AGAP1: variants seen among roughly 807,000 people sequenced by gnomAD.
AGAP1 encodes arf-GAP with GTPase, ANK repeat and PH domain-containing protein 1.
A neutral mutation model predicts 105.3 loss-of-function variants in AGAP1; 29 were observed. That is an observed-to-expected ratio of 0.28 (90% CI 0.21 to 0.38). The LOEUF (loss-of-function observed/expected upper bound fraction) is 0.38, where lower values mean the gene tolerates loss of function less well. Among genes scored for constraint, AGAP1 ranks in the 10% least tolerant of loss-of-function variants. The pLI, the probability that AGAP1 is intolerant of heterozygous loss-of-function variation, is 1.00. For missense variants in AGAP1, 998 were observed against 1,165.1 expected (o/e 0.86, Z 2.09); for synonymous variants, 509 against 485.9 (o/e 1.05, Z -0.63).
chr2:235,699,763 A>G (rs74695223), intron 1 of AGAP1, among the ~76,000 whole-genome samples: 1 of 152,248 alleles, frequency 6.6e-6, no homozygotes. Context: ...GAGAACCAGC[A>G]TTCGCAGTGG....
chr2:235,621,816 C>T lies in AGAP1; in HGVS notation c.164-87363C>T, dbSNP rs1484891389. Among the ~76,000 whole-genome samples, 1 of 152,178 alleles carries T rather than the reference C, an allele frequency of 6.6e-6. No individual in the cohort carries two copies. Among genetic ancestry groups the T allele is most frequent in the Admixed American group, 6.5e-5 (1 of 15,286 alleles). On this transcript the variant is annotated intron_variant, in intron 1 of 17. Coordinates refer to ENST00000304032, the MANE Select transcript of AGAP1 (RefSeq NM_001037131.3). The surrounding 1 kb of genome is among the most constrained non-coding windows in gnomAD (Gnocchi z 4.1). ...CAGGAGAGGGCACATGGCAGTAACCCCCTGGGAGCGGCTGCTGATGTTCTG... is the reference window on the plus strand; with the variant it reads ...CAGGAGAGGGCACATGGCAGTAACCTCCTGGGAGCGGCTGCTGATGTTCTG...
chr2:235,626,821 G>T (rs549202547), intron 1 of AGAP1, among the ~76,000 whole-genome samples: 25 of 152,306 alleles, frequency 1.6e-4, no homozygotes, highest in Non-Finnish European at 3.2e-4. Context: ...GTAGGGAGAG[G>T]TACAGACACA....
chr2:236,088,947 C>T (rs983909473), intron 16 of AGAP1, among the ~76,000 whole-genome samples: 3 of 152,104 alleles, frequency 2.0e-5, no homozygotes, highest in Admixed American at 1.3e-4. Context: ...TAAAGACACA[C>T]GGGGCTGAAA....
intron 3 of AGAP1, among the ~76,000 whole-genome samples, chr2:235,718,203 A>T (rs1217897121): frequency 2.6e-5 from 4 of 152,094 alleles, no homozygotes; most frequent in African/African-American, 4.8e-5. Context: ...TTTTGCCTTA[A>T]ATAAAATTAT....
At chr2:235,695,501 G>C (rs977198400) in intron 1 of AGAP1, among the ~76,000 whole-genome samples, 1 of 152,190 alleles carries the variant, frequency 6.6e-6, no homozygotes, top group African/African-American at 2.4e-5. Flanking sequence ...AACAGACAGC[G>C]GCTCAGGTTA....
chr2:235,682,369 G>A (rs1402892338), intron 1 of AGAP1, among the ~76,000 whole-genome samples: 2 of 151,732 alleles, frequency 1.3e-5, no homozygotes, highest in Non-Finnish European at 2.9e-5. Flanking sequence ...TTGAGATGGA[G>A]TCTCACTCTG....
intron 1 of AGAP1, among the ~76,000 whole-genome samples, chr2:235,590,886 A>G (rs1945316247): frequency 6.7e-6 from 1 of 149,866 alleles, no homozygotes; most frequent in Non-Finnish European, 1.5e-5. Context: ...ACGCCCGGCT[A>G]ATTTTTTTGT....
Position 235,751,105 on chromosome 2 carries a change from A to G in AGAP1, c.673+617A>G, listed in dbSNP as rs1372310821. On this transcript the variant is annotated intron_variant, in intron 6 of 17. Transcript: ENST00000304032. The surrounding 1 kb of genome is among the most constrained non-coding windows in gnomAD (Gnocchi z 5.3). ...TCCTAGGAGAGCATGAGGTTCTGCAAGAGGGTCACATACTTGTGGATGATC... is the reference window on the plus strand; with the variant it reads ...TCCTAGGAGAGCATGAGGTTCTGCAGGAGGGTCACATACTTGTGGATGATC... 6.6e-6 allele frequency among the ~76,000 whole-genome samples: 1 copy of G among 152,088 alleles called. No homozygotes were observed. The highest frequency in any genetic ancestry group is 6.5e-5 in the Admixed American group (1 of 15,288).
rs950494809 is a variant in AGAP1 at position 235,769,029 on chromosome 2, G to A, written c.673+18541G>A. The stretch of plus-strand genomic sequence containing the variant: ...AACTGTACTAAAGATCCCAGTACTC[G>A]AGTAATTCACCATAAATGAGTGAAA... On this transcript the variant is annotated intron_variant, in intron 6 of 17. Coordinates refer to ENST00000304032, the MANE Select transcript of AGAP1 (RefSeq NM_001037131.3). This position sits in a 1 kb window ranked among gnomAD's most constrained non-coding sequence, Gnocchi z 4.4. Among the ~76,000 whole-genome samples, 5 of 152,182 alleles carry A rather than the reference G, an allele frequency of 3.3e-5. No homozygotes were observed. Among genetic ancestry groups the A allele is most frequent in the Admixed American group, 6.5e-5 (1 of 15,284 alleles).
chr2:235,947,765 G>C (rs78634734), intron 12 of AGAP1, among the ~76,000 whole-genome samples: 1 of 152,212 alleles, frequency 6.6e-6, no homozygotes, highest in Admixed American at 6.5e-5. Flanking sequence ...CAGGTATCAG[G>C]TGGTAGAATG....
intron 8 of AGAP1, among the ~76,000 whole-genome samples, 153 bp from the exon 9 acceptor site, chr2:235,807,086 C>G (rs1463003270): frequency 6.6e-6 from 1 of 152,260 alleles, no homozygotes; most frequent in African/African-American, 2.4e-5. Context: ...AGATGAACTA[C>G]TGAGCTGTCT....
rs547497908 is a variant in AGAP1, at chr2:235,900,732, A to G, written c.1156-8006A>G. On this transcript the variant is annotated intron_variant, in intron 10 of 17. Coordinates refer to ENST00000304032, the MANE Select transcript of AGAP1 (RefSeq NM_001037131.3). This position sits in a 1 kb window ranked among gnomAD's most constrained non-coding sequence, Gnocchi z 5.5. Reference sequence around the variant, plus strand: ...GCTTCAGGATGATGGGGAACATGGTAAGACCAGTGAATTCCATAAGCATGA... The same window carrying G: ...GCTTCAGGATGATGGGGAACATGGTGAGACCAGTGAATTCCATAAGCATGA... Among the ~76,000 whole-genome samples the G allele has an allele frequency of 6.6e-6, 1 of 152,332 alleles. No individual in the cohort carries two copies. Among genetic ancestry groups the G allele is most frequent in the African/African-American group, 2.4e-5 (1 of 41,590 alleles).
At position 235,824,758 on chromosome 2, in the gene AGAP1, G is replaced by A. The variant is rs776030932; in HGVS notation, c.1050+17427G>A. Among the ~76,000 whole-genome samples the A allele has an allele frequency of 3.9e-5, 6 of 151,988 alleles. No individual in the cohort carries two copies. Among genetic ancestry groups the A allele is most frequent in the Non-Finnish European group, 8.8e-5 (6 of 68,022 alleles). On this transcript the variant is annotated intron_variant, in intron 9 of 17. Transcript: ENST00000304032. This position sits in a 1 kb window ranked among gnomAD's most constrained non-coding sequence, Gnocchi z 5.2. ...TATATGAGACGGCCTGCATTCTTTC[G>A]CGGTACCAAGAAATGCTCAACCTAA...
intron 1 of AGAP1, among the ~76,000 whole-genome samples, chr2:235,501,758 A>G (rs1268934739): frequency 1.3e-5 from 2 of 152,046 alleles, no homozygotes; most frequent in African/African-American, 2.4e-5. Context: ...TCTACACTCT[A>G]GCAAACCTGT....
chr2:235,953,117 GA>G lies in AGAP1; in HGVS notation c.1484-15344del, dbSNP rs2053809933. Among the ~76,000 whole-genome samples the G allele has an allele frequency of 6.6e-6, 1 of 152,198 alleles. No homozygotes were observed. The highest frequency in any genetic ancestry group is 2.4e-5 in the African/African-American group (1 of 41,442). On this transcript the variant is annotated intron_variant, in intron 12 of 17. Coordinates refer to ENST00000304032, the MANE Select transcript of AGAP1 (RefSeq NM_001037131.3). This position sits in a 1 kb window ranked among gnomAD's most constrained non-coding sequence, Gnocchi z 5.2. Reference sequence around the variant, plus strand: ...CCAATAAAGGCTTGGGAGTCGCAAGGATCCCTTTTCATAATGAAACTTCCTG... The same window carrying G: ...CCAATAAAGGCTTGGGAGTCGCAAGGTCCCTTTTCATAATGAAACTTCCTG...
intron 9 of AGAP1, among the ~76,000 whole-genome samples, chr2:235,813,565 G>C (rs533518043): frequency 7.2e-5 from 11 of 152,226 alleles, no homozygotes; most frequent in South Asian, 2.1e-4. Flanking sequence ...AGACCCCTAG[G>C]GGGGCGGGCA....
intron 9 of AGAP1, among the ~76,000 whole-genome samples, chr2:235,860,809 C>T (rs1473475251): frequency 6.6e-6 from 1 of 152,146 alleles, no homozygotes; most frequent in Non-Finnish European, 1.5e-5. Context: ...AATGATGGTT[C>T]AATTAGCATG....
In AGAP1 at chr2:235,569,612, C is replaced by T. The variant is rs1200276589; in HGVS notation, c.163+74763C>T. 2.0e-5 allele frequency among the ~76,000 whole-genome samples: 3 copies of T among 152,254 alleles called. No homozygotes were observed. Among genetic ancestry groups the T allele is most frequent in the Admixed American group, 6.5e-5 (1 of 15,288 alleles). On this transcript the variant is annotated intron_variant, in intron 1 of 17. Transcript: ENST00000304032. This position sits in a 1 kb window ranked among gnomAD's most constrained non-coding sequence, Gnocchi z 5.9. ...TTCCTGTGGATAGGTTTGGAGGATT[C>T]GAAGGACATCCCTGGAGGGGCTGTG... is the stretch of plus-strand genomic sequence containing the variant.
At chr2:235,748,149 T>A (rs1401259053) in intron 5 of AGAP1, among the ~76,000 whole-genome samples, 1 of 152,150 alleles carries the variant, frequency 6.6e-6, no homozygotes, top group Non-Finnish European at 1.5e-5. Context: ...GGAATGAAAA[T>A]GAGACAGGTA....
Sources: gnomAD v4.1 joint callset for allele counts (sites outside exome capture counted in the v4.1 genomes callset) on GRCh38, gnomAD v4.1.1 for gene constraint, Gnocchi (gnomAD v3.1) non-coding constraint, MANE v1.5 for transcripts, NCBI Gene and HGNC (gene_info 2026-07-23, HGNC 2026-07-21) for gene names.